Variants in DOCK4 observed in about 807,000 individuals in gnomAD.
DOCK4 encodes dedicator of cytokinesis 4.
DOCK4 carries 97 observed loss-of-function variants against 268.1 expected under a neutral mutation model. That is an observed-to-expected ratio of 0.36 (90% CI 0.31 to 0.43). The LOEUF is 0.43. DOCK4 is among the 20% of genes least tolerant of loss of function. The pLI is 1.00. For synonymous variants in DOCK4, 954 were observed against 887.2 expected (o/e 1.08, Z -1.34); for missense variants, 2,145 against 2,455.7 (o/e 0.87, Z 2.67).
chr7:112,077,129 TA>T (rs201696228), intron 1 of DOCK4, among the ~76,000 whole-genome samples: 4,064 of 152,148 alleles, frequency 0.027, 199 homozygotes, highest in African/African-American at 0.093. Flanking sequence ...TGTCAGCCAG[TA>T]GTCAGAAATT....
chr7:111,854,908 A>G (rs1804877836), intron 23 of DOCK4, among the ~76,000 whole-genome samples: 1 of 152,246 alleles, frequency 6.6e-6, no homozygotes, highest in South Asian at 2.1e-4. Flanking sequence ...TCTCTATTTC[A>G]TTATAATTGT....
intron 1 of DOCK4, among the ~76,000 whole-genome samples, chr7:112,061,232 C>A (rs921028062): frequency 6.6e-6 from 1 of 152,170 alleles, no homozygotes; most frequent in East Asian, 1.9e-4. Context: ...ATGGTTACAG[C>A]CCCACACACA....
At chr7:112,177,468 A>G (rs1292963949) in intron 1 of DOCK4, among the ~76,000 whole-genome samples, 2 of 152,226 alleles carry the variant, frequency 1.3e-5, no homozygotes, top group African/African-American at 4.8e-5. Flanking sequence ...TTGCAAACCA[A>G]TGTAAATTTG....
chr7:112,183,048 A>G (rs1430590314), intron 1 of DOCK4, among the ~76,000 whole-genome samples: 3 of 152,348 alleles, frequency 2.0e-5, no homozygotes, highest in African/African-American at 7.2e-5. Flanking sequence ...GACTAAGTTT[A>G]GGTCATAAAC....
At chr7:111,818,761 G>T (rs1801756745) in intron 27 of DOCK4, among the ~76,000 whole-genome samples, 1 of 152,162 alleles carries the variant, frequency 6.6e-6, no homozygotes, top group Admixed American at 6.5e-5. Flanking sequence ...CAGTCTTTCA[G>T]TTCCTTGAGT....
chr7:111,945,841 AG>A, intron 8 of DOCK4, 43 bp from the exon 9 acceptor site: 1 of 1,461,186 alleles, frequency 6.8e-7, no homozygotes, highest in Non-Finnish European at 9.4e-7. Flanking sequence ...ATTATTTAAT[AG>A]TTAAAGATTT....
At chr7:111,827,910 C>G (rs948340147) in intron 26 of DOCK4, among the ~76,000 whole-genome samples, 1 of 152,094 alleles carries the variant, frequency 6.6e-6, no homozygotes, top group Non-Finnish European at 1.5e-5. Flanking sequence ...GCTAGTGGGA[C>G]AGTATATAGG....
At chr7:111,792,805 A>G (rs557635222) in intron 30 of DOCK4, among the ~76,000 whole-genome samples, 1 of 152,310 alleles carries the variant, frequency 6.6e-6, no homozygotes, top group East Asian at 1.9e-4. Flanking sequence ...TGTGATTGGA[A>G]GTGCCTTGGG....
Position 111,741,201 on chromosome 7 carries a change from G to A in DOCK4, c.4933C>T (p.Pro1645Ser), listed in dbSNP as rs775360706. ...GAGGAAGAATATCGGTTGACAGCTG[G>A]GTAACTTAACGGGCTGTTTCAGGGG... Reference protein sequence around the residue: ...VIPRRSPLSYPAVNRYSSSSL... With the variant: ...VIPRRSPLSYSAVNRYSSSSL... Residue 1645 changes from proline to serine, a missense_variant, in exon 47 of 53, where the codon CCA becomes TCA. By Grantham distance (74) the Pro-to-Ser change is moderately conservative. This residue lies in a region of DOCK4 where 547 missense variants were observed against 469.0 expected (regional missense o/e 1.17). Transcript: ENST00000428084. The A allele has an allele frequency of 5.0e-6, 8 of 1,613,834 alleles. No individual in the cohort carries two copies. In the South Asian group the frequency reaches 8.8e-5, roughly 18 times the overall value.
In DOCK4 at chr7:111,834,448, T is replaced by C. The variant is rs1803079728; in HGVS notation, c.2835+140A>G. 5 of 644,750 alleles carry C rather than the reference T, an allele frequency of 7.8e-6. No individual in the cohort carries two copies. The South Asian group carries it at 1.0e-4, about 13-fold the overall frequency. 39.9% of individuals were successfully genotyped at this position (644,750 alleles called of 1,614,324 possible). ...AAGCCAATATAGATGAGCAGATCTG[T>C]GGATGAGGCTGAGAAAAACAGCTTA... On this transcript the variant is annotated intron_variant, in intron 26 of 52. Coordinates refer to ENST00000428084, the MANE Select transcript of DOCK4 (RefSeq NM_001363540.2).
intron 1 of DOCK4, among the ~76,000 whole-genome samples, chr7:112,040,694 C>A (rs1804273525): frequency 6.6e-6 from 1 of 152,008 alleles, no homozygotes; most frequent in Non-Finnish European, 1.5e-5. Flanking sequence ...CATTATTAGG[C>A]ACAGTGACCC....
At chr7:111,936,338 C>G (rs973572864) in intron 11 of DOCK4, among the ~76,000 whole-genome samples, 2 of 152,178 alleles carry the variant, frequency 1.3e-5, no homozygotes, top group Non-Finnish European at 2.9e-5. Flanking sequence ...TTTTATCACT[C>G]ATTAGGTCAT....
chr7:111,860,230 A>C (rs1805394687), intron 23 of DOCK4, among the ~76,000 whole-genome samples: 1 of 152,214 alleles, frequency 6.6e-6, no homozygotes, highest in Admixed American at 6.5e-5. Flanking sequence ...CTGATTTAGA[A>C]TGCCAAAGTC....
At chr7:111,943,112 C>CT (rs1795336943) in intron 10 of DOCK4, among the ~76,000 whole-genome samples, 1 of 152,196 alleles carries the variant, frequency 6.6e-6, no homozygotes, top group African/African-American at 2.4e-5. Context: ...AAATGTTGAA[C>CT]TGGTAAATGT....
At chr7:111,876,747 C>T (rs1261201753) in intron 17 of DOCK4, among the ~76,000 whole-genome samples, 9 of 126,068 alleles carry the variant, frequency 7.1e-5, no homozygotes, top group African/African-American at 2.0e-4. Context: ...TTGGTATTTT[C>T]GTTTTTTTTT....
intron 26 of DOCK4, among the ~76,000 whole-genome samples, chr7:111,832,224 C>G (rs1400936613): frequency 6.6e-6 from 1 of 152,176 alleles, no homozygotes; most frequent in Non-Finnish European, 1.5e-5. Context: ...CTAGCACACT[C>G]CTACTAACCT....
At chr7:112,168,077 A>G (rs1817759393) in intron 1 of DOCK4, among the ~76,000 whole-genome samples, 2 of 152,154 alleles carry the variant, frequency 1.3e-5, no homozygotes, top group Non-Finnish European at 2.9e-5. Flanking sequence ...ACTAGTACTC[A>G]TAAGTATTTA....
chr7:112,091,867 C>T (rs1407551329), intron 1 of DOCK4, among the ~76,000 whole-genome samples: 1 of 152,194 alleles, frequency 6.6e-6, no homozygotes, highest in Non-Finnish European at 1.5e-5. Flanking sequence ...CCCATACAGC[C>T]TATTTCATAA....
rs1821408533 is a variant in DOCK4 at position 112,206,340 on chromosome 7, C to T, written c.-202G>A. The T allele has an allele frequency of 1.6e-6, 1 of 606,426 alleles. No homozygotes were observed. The highest frequency in any genetic ancestry group is 2.9e-6 in the Non-Finnish European group (1 of 347,856). The allele number at this position is 606,426 out of a possible 1,614,324, so 37.6% of individuals were successfully genotyped here. A position where few individuals can be genotyped will look rare whatever the true frequency, so the allele number is the denominator to read the frequency against. On this transcript the variant is annotated 5_prime_UTR_variant, in exon 1 of 53. Coordinates refer to ENST00000428084, the MANE Select transcript of DOCK4 (RefSeq NM_001363540.2). ...CCGCCCGCAGCTCTCCCGGCGGCGG[C>T]TGCTCACAGTCCTCCGACGCGCTCC...
Sources: allele counts gnomAD v4.1 joint callset (sites outside exome capture counted in the v4.1 genomes callset), GRCh38; gene constraint gnomAD v4.1.1; regional missense constraint gnomAD v4.1.1; transcripts MANE v1.5; gene names NCBI Gene and HGNC (gene_info 2026-07-23, HGNC 2026-07-21).